The following RBMS3 variants were observed in gnomAD, a reference collection of about 807,000 sequenced individuals.
RBMS3 encodes the protein RNA binding motif single stranded interacting protein 3.
RBMS3 carries 27 observed loss-of-function variants against 66.8 expected under a neutral mutation model. The observed-to-expected ratio is 0.40, with a 90% CI of 0.30 to 0.56. The LOEUF is 0.56. RBMS3 is among the 20% of genes least tolerant of loss of function. RBMS3 has a pLI of 0.40. For missense variants in RBMS3, 513 were observed against 549.5 expected, an observed-to-expected ratio of 0.93 and a Z score of 0.66; for synonymous variants, 188 against 183.0, an observed-to-expected ratio of 1.03 and a Z score of -0.22.
chr3:29,859,108 A>G (rs1199589767), intron 6 of RBMS3, among the ~76,000 whole-genome samples: 2 of 152,150 alleles, frequency 1.3e-5, no homozygotes, highest in Non-Finnish European at 2.9e-5. Flanking sequence ...TCCTCTTTTT[A>G]GTGTATATTC....
chr3:29,425,495 G>A (rs1042189934), intron 1 of RBMS3, among the ~76,000 whole-genome samples: 4 of 151,588 alleles, frequency 2.6e-5, no homozygotes. Flanking sequence ...AAAATTAGCC[G>A]GGTGTGGTGG....
chr3:29,414,894 G>A (rs146570487), intron 1 of RBMS3, among the ~76,000 whole-genome samples: 4 of 152,102 alleles, frequency 2.6e-5, no homozygotes, highest in Admixed American at 6.5e-5. Flanking sequence ...TTTCTCTTAC[G>A]TTTGCCTAAC....
intron 7 of RBMS3, among the ~76,000 whole-genome samples, chr3:29,881,038 G>A (rs150129867): frequency 7.9e-5 from 12 of 152,118 alleles, no homozygotes; most frequent in Admixed American, 3.9e-4. Context: ...AGAGGAGCTG[G>A]GCAATCAAGA....
chr3:29,328,313 T>C (rs2035457392), intron 1 of RBMS3, among the ~76,000 whole-genome samples: 1 of 152,148 alleles, frequency 6.6e-6, no homozygotes, highest in Non-Finnish European at 1.5e-5. Flanking sequence ...AGAACAATTA[T>C]CTGTTTCGTT....
intron 1 of RBMS3, among the ~76,000 whole-genome samples, chr3:29,405,275 T>A (rs939709567): frequency 2.6e-5 from 4 of 152,174 alleles, no homozygotes; most frequent in Admixed American, 1.3e-4. Context: ...CTGCATATCG[T>A]TTAACCATGT....
chr3:29,343,734 A>T (rs192459519), intron 1 of RBMS3, among the ~76,000 whole-genome samples: 17 of 152,318 alleles, frequency 1.1e-4, no homozygotes, highest in Admixed American at 1.1e-3. Flanking sequence ...TTACAGAATG[A>T]AGAATTAAAT....
chr3:29,355,082 T>C (rs1290486462), intron 1 of RBMS3, among the ~76,000 whole-genome samples: 1 of 152,116 alleles, frequency 6.6e-6, no homozygotes, highest in Non-Finnish European at 1.5e-5. Flanking sequence ...CACACTCTTA[T>C]ACACTGTAAT....
intron 6 of RBMS3, among the ~76,000 whole-genome samples, chr3:29,824,128 C>T (rs1029166209): frequency 4.0e-5 from 6 of 151,594 alleles, no homozygotes; most frequent in African/African-American, 1.2e-4. Flanking sequence ...CACCCCACCC[C>T]ACGCCAAATT....
chr3:29,524,484 G>A (rs928740593), intron 3 of RBMS3, among the ~76,000 whole-genome samples: 8 of 134,900 alleles, frequency 5.9e-5, no homozygotes, highest in Admixed American at 2.6e-4. Flanking sequence ...CTGGAGCGCA[G>A]TGGTGCGATC....
chr3:29,878,457 T>A (rs969651710), intron 7 of RBMS3, among the ~76,000 whole-genome samples: 3 of 152,114 alleles, frequency 2.0e-5, no homozygotes, highest in Admixed American at 2.0e-4. Flanking sequence ...AGAAACACTA[T>A]ATCATTTCCC....
intron 1 of RBMS3, among the ~76,000 whole-genome samples, chr3:29,423,222 C>T (rs2125705383): frequency 6.6e-6 from 1 of 152,068 alleles, no homozygotes; most frequent in South Asian, 2.1e-4. Flanking sequence ...GCTTGTCTGC[C>T]AAAGAGAGAC....
chr3:29,401,028 A>G (rs2039787540), intron 1 of RBMS3, among the ~76,000 whole-genome samples: 1 of 152,106 alleles, frequency 6.6e-6, no homozygotes, highest in Non-Finnish European at 1.5e-5. Context: ...TGTGAACTTA[A>G]TTAGTGAAGC....
At chr3:29,320,365 T>G (rs975912565) in intron 1 of RBMS3, among the ~76,000 whole-genome samples, 1 of 152,040 alleles carries the variant, frequency 6.6e-6, no homozygotes, top group African/African-American at 2.4e-5. Context: ...AGGAATTTCA[T>G]GAAAAATGTT....
At chr3:29,892,715 C>T (rs1396580818) in intron 8 of RBMS3, among the ~76,000 whole-genome samples, 1 of 151,278 alleles carries the variant, frequency 6.6e-6, no homozygotes, top group Non-Finnish European at 1.5e-5. Context: ...TTACCAAATA[C>T]AAAAAACATA....
intron 3 of RBMS3, among the ~76,000 whole-genome samples, chr3:29,505,621 T>C (rs1364442116): frequency 6.6e-6 from 1 of 151,796 alleles, no homozygotes; most frequent in Admixed American, 6.6e-5. Context: ...GTGAAAAATG[T>C]TATTGGAATT....
At chr3:29,688,279 G>A (rs1012286691) in intron 4 of RBMS3, among the ~76,000 whole-genome samples, 3 of 152,080 alleles carry the variant, frequency 2.0e-5, no homozygotes, top group Non-Finnish European at 4.4e-5. Context: ...TGAGGGTAGA[G>A]AGATTATTTG....
chr3:29,384,621 A>C (rs1436514458), intron 1 of RBMS3, among the ~76,000 whole-genome samples: 1 of 152,204 alleles, frequency 6.6e-6, no homozygotes, highest in African/African-American at 2.4e-5. Flanking sequence ...TTTGCTACCG[A>C]TAATGATAAT....
chr3:29,484,800 C>G (rs763316111), intron 2 of RBMS3, among the ~76,000 whole-genome samples: 6 of 152,154 alleles, frequency 3.9e-5, no homozygotes, highest in Non-Finnish European at 8.8e-5. Flanking sequence ...AATGAGCCAT[C>G]TAGAAGTAGG....
intron 6 of RBMS3, among the ~76,000 whole-genome samples, chr3:29,833,319 C>CA (rs1323694790): frequency 6.6e-6 from 1 of 151,760 alleles, no homozygotes; most frequent in African/African-American, 2.4e-5. Flanking sequence ...ATGAGCCTAT[C>CA]AAAAAAATTA....
Sources: allele counts gnomAD v4.1 joint callset (sites outside exome capture counted in the v4.1 genomes callset), GRCh38; gene constraint gnomAD v4.1.1; transcripts MANE v1.5; gene names NCBI Gene and HGNC (gene_info 2026-07-23, HGNC 2026-07-21).